Variants in ESYT2 observed in about 807,000 individuals in gnomAD.
ESYT2 encodes extended synaptotagmin 2.
In ESYT2, 54 loss-of-function variants were observed where a neutral mutation model predicts 107.2. The observed-to-expected ratio is 0.50, with a 90% CI of 0.40 to 0.63. The LOEUF is 0.63. ESYT2 is among the 30% of genes least tolerant of loss of function. ESYT2 has a pLI of 0.00. For missense variants in ESYT2, 1,020 were observed against 1,094.5 expected (o/e 0.93, Z 0.96); for synonymous variants, 491 against 434.1 (o/e 1.13, Z -1.63).
chr7:158,751,117 T>G (rs1268801907), intron 14 of ESYT2, among the ~76,000 whole-genome samples: 3 of 152,226 alleles, frequency 2.0e-5, no homozygotes, highest in Non-Finnish European at 4.4e-5. Flanking sequence ...GAAAACAGAA[T>G]GAATCTTAAA....
intron 8 of ESYT2, among the ~76,000 whole-genome samples, chr7:158,765,448 T>C (rs1003943081): frequency 1.3e-5 from 2 of 152,232 alleles, no homozygotes; most frequent in Non-Finnish European, 2.9e-5. Context: ...TTAAACATAG[T>C]CTTGGCCAGG....
intron 1 of ESYT2, among the ~76,000 whole-genome samples, chr7:158,826,037 A>C (rs1370561711): frequency 6.6e-6 from 1 of 151,734 alleles, no homozygotes; most frequent in African/African-American, 2.4e-5. Flanking sequence ...AAAAAAAACA[A>C]AAACAAACCC....
At chr7:158,761,871 T>C (rs1283189539) in intron 10 of ESYT2, among the ~76,000 whole-genome samples, 2 of 152,150 alleles carry the variant, frequency 1.3e-5, no homozygotes, top group Non-Finnish European at 2.9e-5. Flanking sequence ...CAATGTTACA[T>C]GCATCAAAAA....
intron 1 of ESYT2, among the ~76,000 whole-genome samples, chr7:158,813,747 G>C (rs9638066): frequency 0.12 from 17,478 of 151,700 alleles, 1,716 homozygotes; most frequent in East Asian, 0.55. Flanking sequence ...TCCTCGTCCC[G>C]ATGACTCTCA....
chr7:158,787,623 T>G (rs915581947), intron 6 of ESYT2, among the ~76,000 whole-genome samples: 2 of 152,180 alleles, frequency 1.3e-5, no homozygotes, highest in African/African-American at 4.8e-5. Context: ...AATAAGACTT[T>G]CAAAATCTCA....
In ESYT2 at chr7:158,799,043, T is replaced by C; in HGVS notation, c.360A>G (p.Glu120=). The change falls in exon 2 of 23, where the codon GAA becomes GAG. Residue 120 remains glutamate, a synonymous_variant. Transcript: ENST00000275418. Reference sequence around the variant, plus strand: ...ACTCTAATCTTACCTTATTTAGCCATTCTGCTCTTTCAGTGTCTGGAAAAT... The same window carrying C: ...ACTCTAATCTTACCTTATTTAGCCACTCTGCTCTTTCAGTGTCTGGAAAAT... ...WVHFPDTERA[E]WLNKTVKHMW... 6.2e-7 allele frequency: 1 copy of C among 1,613,726 alleles called. No individual in the cohort carries two copies. Among genetic ancestry groups the C allele is most frequent in the Non-Finnish European group, 8.5e-7 (1 of 1,179,668 alleles).
In ESYT2 at chr7:158,788,327, A is replaced by C; in HGVS notation, c.657+18T>G. The stretch of plus-strand genomic sequence containing the variant: ...TTTAGAAAACTGTCAAATTAAAACA[A>C]AAAAACAAAAAACTTACCTGGATAC... On this transcript the variant is annotated intron_variant, in intron 5 of 22. Transcript: ENST00000275418. 6.3e-7 allele frequency: 1 copy of C among 1,591,850 alleles called. No homozygotes were observed. The highest frequency in any genetic ancestry group is 8.5e-7 in the Non-Finnish European group (1 of 1,173,294).
chr7:158,763,281 TA>T (rs11353612), intron 9 of ESYT2, 116 bp from the exon 10 acceptor site: 426,418 of 451,512 alleles, frequency 0.94, 201,403 homozygotes, highest in Middle Eastern at 0.96. Flanking sequence ...GGTAAATCCT[TA>T]TTTATTTATT....
intron 7 of ESYT2, among the ~76,000 whole-genome samples, chr7:158,770,862 A>C (rs1342954034): frequency 6.6e-6 from 1 of 152,130 alleles, no homozygotes; most frequent in African/African-American, 2.4e-5. Context: ...CATATAAAAC[A>C]AGAGAAGCTG....
intron 6 of ESYT2, among the ~76,000 whole-genome samples, chr7:158,779,096 G>A (rs1315850629): frequency 1.3e-5 from 2 of 152,158 alleles, no homozygotes; most frequent in African/African-American, 4.8e-5. Context: ...TCCTCTTGTA[G>A]GCAAACTATC....
At chr7:158,814,392 A>G (rs1300126374) in intron 1 of ESYT2, among the ~76,000 whole-genome samples, 1 of 146,854 alleles carries the variant, frequency 6.8e-6, no homozygotes, top group East Asian at 2.1e-4. Flanking sequence ...CAGATCAAAA[A>G]CGTTTTAAAA....
At chr7:158,829,063 C>G (rs754715865) in intron 1 of ESYT2, 26 bp downstream of exon 1, 1 of 1,554,176 alleles carries the variant, frequency 6.4e-7, no homozygotes. Context: ...GGTCAGGGGT[C>G]GGGACGGGCA....
rs541522103 is a variant in ESYT2, at chr7:158,797,583, C to T, written c.507+359G>A. Among the ~76,000 whole-genome samples the T allele has an allele frequency of 3.9e-5, 6 of 151,984 alleles. No homozygotes were observed. The East Asian group carries it at 7.7e-4, about 20-fold the overall frequency. ...AGAAAATGTGTTTTTCGGCCAGGCGCGGTGGCTCACACCTGTAGTCCCAGC... is the reference window on the plus strand; with the variant it reads ...AGAAAATGTGTTTTTCGGCCAGGCGTGGTGGCTCACACCTGTAGTCCCAGC... On this transcript the variant is annotated intron_variant, in intron 3 of 22. Transcript: ENST00000275418.
rs528013183 is a variant in ESYT2 at position 158,765,044 on chromosome 7, A to G, written c.925-191T>C. Among the ~76,000 whole-genome samples, 48 of 152,280 alleles carry G rather than the reference A, an allele frequency of 3.2e-4. 2 individuals carry two copies. In the South Asian group the frequency reaches 9.3e-3, roughly 30 times the overall value. On this transcript the variant is annotated intron_variant, in intron 8 of 22. Transcript: ENST00000275418. ...ATAGGAGAAGCAGGTGCTGAGACAA[A>G]CAAGAGCAGGGCAAGGCAGCAGTGC...
At chr7:158,742,931 T>C (rs961208252) in intron 17 of ESYT2, among the ~76,000 whole-genome samples, 2 of 152,172 alleles carry the variant, frequency 1.3e-5, no homozygotes, top group Non-Finnish European at 2.9e-5. Flanking sequence ...AAGGAGGCTG[T>C]TCCCATTGCC....
intron 18 of ESYT2, 85 bp downstream of exon 18, chr7:158,741,438 C>G: frequency 6.7e-7 from 1 of 1,490,264 alleles, no homozygotes; most frequent in Non-Finnish European, 8.9e-7. Flanking sequence ...GCCTCATGCT[C>G]TGCTGCGTTA....
chr7:158,809,697 CT>C (rs1839941150), intron 1 of ESYT2, among the ~76,000 whole-genome samples: 1 of 152,150 alleles, frequency 6.6e-6, no homozygotes, highest in East Asian at 1.9e-4. Flanking sequence ...AAGCTGTCTC[CT>C]TAACACATTG....
chr7:158,762,115 C>T (rs1215343479), intron 10 of ESYT2, among the ~76,000 whole-genome samples: 1 of 152,100 alleles, frequency 6.6e-6, no homozygotes, highest in Non-Finnish European at 1.5e-5. Flanking sequence ...TCCCGTTCCC[C>T]TAAACCTCCC....
chr7:158,781,232 T>C (rs1310397290), intron 6 of ESYT2, among the ~76,000 whole-genome samples: 1 of 151,226 alleles, frequency 6.6e-6, no homozygotes, highest in African/African-American at 2.4e-5. Flanking sequence ...GTGAGGTGTG[T>C]GTAAGAATGA....
Sources: allele counts gnomAD v4.1 joint callset (sites outside exome capture counted in the v4.1 genomes callset), GRCh38; gene constraint gnomAD v4.1.1; transcripts MANE v1.5; gene names NCBI Gene and HGNC (gene_info 2026-07-23, HGNC 2026-07-21).